Variants in EYA3 observed in about 807,000 individuals in gnomAD.
The protein encoded by EYA3 is EYA transcriptional coactivator and phosphatase 3, also known as protein phosphatase EYA3.
Under a neutral mutation model 80.0 loss-of-function variants are expected in EYA3, and 39 were observed. The ratio of observed to expected loss-of-function variants is 0.49; its 90% CI spans 0.38 to 0.64. The LOEUF (loss-of-function observed/expected upper bound fraction) is 0.64, where lower values mean the gene tolerates loss of function less well. Among genes scored for constraint, EYA3 ranks in the 30% least tolerant of loss-of-function variants. EYA3 has a pLI of 0.00. For missense variants in EYA3, 523 were observed against 676.1 expected, an observed-to-expected ratio of 0.77 and a Z score of 2.51; for synonymous variants, 206 against 232.8, an observed-to-expected ratio of 0.88 and a Z score of 1.05.
In EYA3 at chr1:27,974,379, GAC is replaced by G; in HGVS notation, c.*85_*86del. ...AGAGACAGAGACACAGAGAGAGACA[GAC>G]AGAGAAAGTTCTCAGTTGGTTCCAG... On this transcript the variant is annotated 3_prime_UTR_variant, in exon 18 of 18. Coordinates refer to ENST00000373871, the MANE Select transcript of EYA3 (RefSeq NM_001990.4). 1.1e-6 allele frequency: 1 copy of G among 917,820 alleles called. No individual in the cohort carries two copies. The highest frequency in any genetic ancestry group is 2.5e-5 in the East Asian group (1 of 40,760). The allele number at this position is 917,820 out of a possible 1,614,324, so 56.9% of individuals were successfully genotyped here.
intron 15 of EYA3, 151 bp from the exon 16 acceptor site, chr1:27,988,807 C>A: frequency 1.3e-6 from 1 of 796,864 alleles, no homozygotes; most frequent in South Asian, 2.0e-5. Context: ...TCAGCTACTA[C>A]TCATTATTTC....
chr1:28,044,087 G>T (rs776247384), intron 3 of EYA3, among the ~76,000 whole-genome samples: 5 of 152,166 alleles, frequency 3.3e-5, no homozygotes, highest in African/African-American at 7.2e-5. Flanking sequence ...CATTATGTTA[G>T]ATAGTTTAAT....
intron 3 of EYA3, among the ~76,000 whole-genome samples, chr1:28,046,266 T>C (rs1399564441): frequency 1.3e-5 from 2 of 152,174 alleles, no homozygotes; most frequent in African/African-American, 4.8e-5. Flanking sequence ...TATTTTATCA[T>C]AGTAAAAAAA....
At chr1:28,021,718 C>T (rs1159113847) in intron 7 of EYA3, among the ~76,000 whole-genome samples, 1 of 151,954 alleles carries the variant, frequency 6.6e-6, no homozygotes, top group East Asian at 1.9e-4. Context: ...ATTCTCGTGC[C>T]TCAGCCTCCC....
intron 13 of EYA3, among the ~76,000 whole-genome samples, chr1:27,995,025 CTATATGTATATGTATATTT>C: frequency 6.6e-6 from 1 of 150,984 alleles, no homozygotes. Context: ...ATGGTAAATT[CTATATGTATATGTATATTT>C]TACCTTGACA....
chr1:27,984,936 A>C (rs1571712561), intron 16 of EYA3, among the ~76,000 whole-genome samples: 1 of 152,178 alleles, frequency 6.6e-6, no homozygotes, highest in Non-Finnish European at 1.5e-5. Flanking sequence ...CCTAATAAAA[A>C]TATTGTTAGA....
intron 17 of EYA3, chr1:27,976,948 C>T (rs1638960699): frequency 2.4e-6 from 2 of 847,888 alleles, no homozygotes; most frequent in Non-Finnish European, 2.8e-6. Flanking sequence ...GAACTCCTGA[C>T]CTCAGGTGAT....
At chr1:28,030,044 C>T (rs921930630) in intron 6 of EYA3, among the ~76,000 whole-genome samples, 1 of 152,192 alleles carries the variant, frequency 6.6e-6, no homozygotes, top group African/African-American at 2.4e-5. Flanking sequence ...GCCATGACTT[C>T]AAACTCAACA....
At chr1:28,074,455 G>A (rs900446554) in intron 1 of EYA3, among the ~76,000 whole-genome samples, 2 of 151,506 alleles carry the variant, frequency 1.3e-5, no homozygotes, top group South Asian at 4.2e-4. Context: ...ATATAATATA[G>A]TTCACAAAAC....
intron 1 of EYA3, among the ~76,000 whole-genome samples, chr1:28,075,937 AT>A (rs1483818220): frequency 1.3e-5 from 2 of 152,202 alleles, no homozygotes; most frequent in Non-Finnish European, 2.9e-5. Context: ...TTACTAACAT[AT>A]CCACTCAGAA....
At chr1:28,083,770 G>C (rs1645515140) in intron 1 of EYA3, among the ~76,000 whole-genome samples, 1 of 152,078 alleles carries the variant, frequency 6.6e-6, no homozygotes, top group Non-Finnish European at 1.5e-5. Flanking sequence ...TTCTAATTAT[G>C]TTGTCTTACG....
intron 1 of EYA3, among the ~76,000 whole-genome samples, chr1:28,083,389 A>G (rs1248316563): frequency 6.6e-6 from 1 of 152,006 alleles, no homozygotes; most frequent in Non-Finnish European, 1.5e-5. Flanking sequence ...GCTTGGTGGC[A>G]CACGCCTGTA....
intron 15 of EYA3, among the ~76,000 whole-genome samples, chr1:27,989,395 T>C (rs957540585): frequency 6.6e-6 from 1 of 152,230 alleles, no homozygotes; most frequent in African/African-American, 2.4e-5. Context: ...CCTCCATGTA[T>C]TCTTTGACGT....
intron 7 of EYA3, among the ~76,000 whole-genome samples, chr1:28,021,294 G>C (rs753381246): frequency 2.0e-5 from 3 of 152,048 alleles, no homozygotes; most frequent in Non-Finnish European, 4.4e-5. Flanking sequence ...CAGCATGATG[G>C]CTCCTCAGCA....
intron 10 of EYA3, among the ~76,000 whole-genome samples, chr1:28,010,176 GA>G (rs1282816480): frequency 6.6e-6 from 1 of 151,968 alleles, no homozygotes; most frequent in Non-Finnish European, 1.5e-5. Flanking sequence ...TAGAAAAACG[GA>G]AAACAGAAAA....
chr1:28,036,756 T>C (rs1643475195), intron 5 of EYA3, among the ~76,000 whole-genome samples: 1 of 152,266 alleles, frequency 6.6e-6, no homozygotes, highest in Admixed American at 6.5e-5. Context: ...TTATCTCATT[T>C]GGTGAGTTAC....
rs1250957058 is a variant in EYA3, at chr1:28,011,019, C to T, written c.837G>A (p.Arg279=). 2 of 1,613,930 alleles carry T rather than the reference C, an allele frequency of 1.2e-6. No homozygotes were observed. Among genetic ancestry groups the T allele is most frequent in the Admixed American group, 1.7e-5 (1 of 59,990 alleles). Residue 279 remains arginine, a synonymous_variant, in exon 10 of 18, where the codon AGG becomes AGA. Coordinates refer to ENST00000373871, the MANE Select transcript of EYA3 (RefSeq NM_001990.4). ...CCCGGTTCTTGCTAGTCATGTTTTT[C>T]CTGGACTGATCATCAGTATCTTTAC... ...TPSKDTDDQS[R]KNMTSKNRGK...
At chr1:28,084,458 G>C (rs529725777) in intron 1 of EYA3, among the ~76,000 whole-genome samples, 1 of 148,510 alleles carries the variant, frequency 6.7e-6, no homozygotes, top group African/African-American at 2.5e-5. Flanking sequence ...TTAGAAAACA[G>C]AAAGTCCACC....
At chr1:28,087,926 C>G (rs1391751603) in intron 1 of EYA3, among the ~76,000 whole-genome samples, 1 of 152,204 alleles carries the variant, frequency 6.6e-6, no homozygotes, top group African/African-American at 2.4e-5. Context: ...GGCAAAACTT[C>G]CCCCAGGCTG....
Sources: allele counts gnomAD v4.1 joint callset (sites outside exome capture counted in the v4.1 genomes callset), GRCh38; gene constraint gnomAD v4.1.1; transcripts MANE v1.5; gene names NCBI Gene and HGNC (gene_info 2026-07-23, HGNC 2026-07-21).